The following KCNH8 variants were observed in gnomAD, a reference collection of about 807,000 sequenced individuals.
The protein encoded by KCNH8 is potassium voltage-gated channel subfamily H member 8.
A neutral mutation model predicts 103.6 loss-of-function variants in KCNH8; 70 were observed. The ratio of observed to expected loss-of-function variants is 0.68; its 90% CI spans 0.56 to 0.82. The LOEUF is 0.82. Ranked by LOEUF, KCNH8 falls within the 40% of genes least tolerant of loss-of-function variation. The pLI is 0.00. For synonymous variants in KCNH8, 498 were observed against 489.4 expected (o/e 1.02, Z -0.23); for missense variants, 1,217 against 1,329.9 (o/e 0.92, Z 1.32).
At chr3:19,211,183 T>G (rs1298387051) in intron 1 of KCNH8, among the ~76,000 whole-genome samples, 2 of 152,172 alleles carry the variant, frequency 1.3e-5, no homozygotes, top group East Asian at 3.8e-4. Context: ...TGACTTACAC[T>G]GGGGAGGCAG....
intron 2 of KCNH8, among the ~76,000 whole-genome samples, chr3:19,279,242 C>T (rs1473320891): frequency 2.0e-5 from 3 of 152,106 alleles, no homozygotes; most frequent in African/African-American, 7.2e-5. Context: ...AAGAACCATT[C>T]TGGGATGACG....
chr3:19,291,185 A>C (rs1432067176), intron 3 of KCNH8, among the ~76,000 whole-genome samples: 1 of 152,036 alleles, frequency 6.6e-6, no homozygotes, highest in African/African-American at 2.4e-5. Flanking sequence ...TGATCTTTTC[A>C]AAAAACCAGC....
chr3:19,155,315 C>T (rs989909894), intron 1 of KCNH8, among the ~76,000 whole-genome samples: 2 of 152,218 alleles, frequency 1.3e-5, no homozygotes, highest in African/African-American at 4.8e-5. Context: ...CAGAAATGCC[C>T]TAATTTGGTA....
rs1491117852 is a variant in KCNH8, at chr3:19,318,662, T to TGTGTACACAC, written c.443-23925_443-23924insGTGTACACAC. Among the ~76,000 whole-genome samples the TGTGTACACAC allele has an allele frequency of 1.8e-3, 258 of 142,546 alleles. 1 individual carries two copies. Among genetic ancestry groups the TGTGTACACAC allele is most frequent in the African/African-American group, 6.1e-3 (238 of 38,744 alleles). 93.5% of individuals were successfully genotyped at this position (142,546 alleles called of 152,430 possible). A position where few individuals can be genotyped will look rare whatever the true frequency, so the allele number is the denominator to read the frequency against. On this transcript the variant is annotated intron_variant, in intron 3 of 15. Transcript: ENST00000328405. Reference sequence around the variant, plus strand: ...GTAAGTGTGTGTGTGTGTGTGTGTGTACACACACACACACACACACACACA... The same window carrying TGTGTACACAC: ...GTAAGTGTGTGTGTGTGTGTGTGTGTGTGTACACACACACACACACACACACACACACACA...
intron 1 of KCNH8, among the ~76,000 whole-genome samples, chr3:19,170,869 G>A (rs1296332513): frequency 2.0e-5 from 3 of 147,706 alleles, no homozygotes; most frequent in South Asian, 4.2e-4. Flanking sequence ...GAGTGCAGTG[G>A]CGCAAAATAT....
intron 12 of KCNH8, among the ~76,000 whole-genome samples, chr3:19,511,263 T>C (rs2068778907): frequency 6.6e-6 from 1 of 151,958 alleles, no homozygotes; most frequent in African/African-American, 2.4e-5. Flanking sequence ...CTGATTGTGA[T>C]AGTTTGTAAT....
At chr3:19,313,036 C>T (rs569366626) in intron 3 of KCNH8, among the ~76,000 whole-genome samples, 11 of 116,016 alleles carry the variant, frequency 9.5e-5, no homozygotes, top group African/African-American at 4.6e-4. Flanking sequence ...TTGGCTTTCA[C>T]GGGATGTCTT....
chr3:19,491,839 T>G (rs1254926841), intron 11 of KCNH8, among the ~76,000 whole-genome samples: 1 of 152,186 alleles, frequency 6.6e-6, no homozygotes, highest in African/African-American at 2.4e-5. Context: ...CCAGCATCTG[T>G]TTTTTGACTT....
intron 1 of KCNH8, among the ~76,000 whole-genome samples, chr3:19,181,906 C>CT (rs771955594): frequency 2.6e-5 from 4 of 152,042 alleles, no homozygotes; most frequent in Non-Finnish European, 5.9e-5. Flanking sequence ...GGGGCCAATC[C>CT]TTTTTTCACA....
chr3:19,161,025 A>C (rs2063228993), intron 1 of KCNH8, among the ~76,000 whole-genome samples: 1 of 152,144 alleles, frequency 6.6e-6, no homozygotes, highest in Admixed American at 6.6e-5. Context: ...AAGAGGAAAA[A>C]ATATGCTGAG....
intron 1 of KCNH8, among the ~76,000 whole-genome samples, chr3:19,250,339 T>C (rs1050740174): frequency 3.9e-5 from 6 of 152,142 alleles, no homozygotes; most frequent in African/African-American, 1.2e-4. Flanking sequence ...TGTAATATAC[T>C]TATAATAATA....
intron 7 of KCNH8, among the ~76,000 whole-genome samples, chr3:19,412,842 CAG>C (rs2066802260): frequency 6.6e-6 from 1 of 151,798 alleles, no homozygotes; most frequent in Non-Finnish European, 1.5e-5. Context: ...TCACACCAGT[CAG>C]AATGGCTATT....
intron 3 of KCNH8, among the ~76,000 whole-genome samples, chr3:19,288,181 C>CTTTTTTTTT (rs767659898): frequency 6.0e-4 from 23 of 38,164 alleles, no homozygotes; most frequent in African/African-American, 2.0e-3. Context: ...TATCAAACTT[C>CTTTTTTTTT]TTTTTTTTTT....
intron 6 of KCNH8, among the ~76,000 whole-genome samples, chr3:19,394,262 A>G (rs2066481040): frequency 1.3e-5 from 2 of 152,090 alleles, no homozygotes; most frequent in South Asian, 4.1e-4. Flanking sequence ...TGAAGGTATG[A>G]AAAGAAGGTG....
At chr3:19,358,706 A>G (rs1452325846) in intron 5 of KCNH8, among the ~76,000 whole-genome samples, 1 of 151,964 alleles carries the variant, frequency 6.6e-6, no homozygotes, top group Non-Finnish European at 1.5e-5. Context: ...AGAAACCAAA[A>G]TTCTAAACAG....
rs138532315 is a variant in KCNH8, at chr3:19,160,009, A to C, written c.76+11214A>C. On this transcript the variant is annotated intron_variant, in intron 1 of 15. Transcript: ENST00000328405. Reference sequence around the variant, plus strand: ...GGGATCAATGACCTAACAAAAATGAAAAATAAGTTTAATGAATTATTAAAT... The same window carrying C: ...GGGATCAATGACCTAACAAAAATGACAAATAAGTTTAATGAATTATTAAAT... Among the ~76,000 whole-genome samples, 116 of 152,278 alleles carry C rather than the reference A, an allele frequency of 7.6e-4. No homozygotes were observed. The South Asian group carries it at 0.013, about 17-fold the overall frequency.
At chr3:19,375,314 C>T (rs535794657) in intron 5 of KCNH8, among the ~76,000 whole-genome samples, 79 of 148,672 alleles carry the variant, frequency 5.3e-4, no homozygotes, top group South Asian at 2.1e-3. Context: ...TGTTTTTATT[C>T]TTTTTTCTCT....
intron 11 of KCNH8, among the ~76,000 whole-genome samples, chr3:19,467,370 G>C (rs898360350): frequency 6.6e-6 from 1 of 151,830 alleles, no homozygotes; most frequent in East Asian, 1.9e-4. Context: ...CTGCAAAGAA[G>C]GCATGGGATA....
At chr3:19,531,899 G>A (rs1005974828) in intron 15 of KCNH8, among the ~76,000 whole-genome samples, 2 of 152,086 alleles carry the variant, frequency 1.3e-5, no homozygotes, top group Admixed American at 6.6e-5. Flanking sequence ...TGTGGTTCAC[G>A]ATAGTAAAAT....
Sources: gnomAD v4.1 joint callset for allele counts (sites outside exome capture counted in the v4.1 genomes callset) on GRCh38, gnomAD v4.1.1 for gene constraint, MANE v1.5 for transcripts, NCBI Gene and HGNC (gene_info 2026-07-23, HGNC 2026-07-21) for gene names.